Variants in SSBP2 observed in about 807,000 individuals in gnomAD.
SSBP2 encodes the protein single stranded DNA binding protein 2, also known as single-stranded DNA-binding protein 2.
SSBP2 carries 17 observed loss-of-function variants against 61.8 expected under a neutral mutation model. That is an observed-to-expected ratio of 0.28 (90% confidence interval 0.19 to 0.41). The LOEUF is 0.41. SSBP2 is among the 10% of genes least tolerant of loss of function. The pLI is 1.00. For missense variants in SSBP2, 310 were observed against 458.7 expected (o/e 0.68, Z 2.96); for synonymous variants, 139 against 141.3 (o/e 0.98, Z 0.12).
chr5:81,494,499 C>G (rs1342906813), intron 5 of SSBP2, among the ~76,000 whole-genome samples: 1 of 152,018 alleles, frequency 6.6e-6, no homozygotes, highest in Non-Finnish European at 1.5e-5. Flanking sequence ...GAGGGTGGAG[C>G]CTTCATGAAT....
At chr5:81,739,771 G>A (rs1756883817) in intron 1 of SSBP2, among the ~76,000 whole-genome samples, 1 of 151,918 alleles carries the variant, frequency 6.6e-6, no homozygotes, top group Admixed American at 6.6e-5. Flanking sequence ...TGCTATTTTG[G>A]CAAAATCCAG....
chr5:81,641,886 G>T (rs75267554), intron 2 of SSBP2, among the ~76,000 whole-genome samples: 2,107 of 152,100 alleles, frequency 0.014, 43 homozygotes, highest in African/African-American at 0.049. Flanking sequence ...AATTTGGAAG[G>T]TTGGAGAATA....
At chr5:81,448,238 T>C (rs1176820377) in intron 11 of SSBP2, among the ~76,000 whole-genome samples, 1 of 152,224 alleles carries the variant, frequency 6.6e-6, no homozygotes, top group Admixed American at 6.5e-5. Flanking sequence ...ATAAAACTTA[T>C]TAATTTGACT....
chr5:81,650,370 G>A, intron 1 of SSBP2, 31 bp from the exon 2 acceptor site: 1 of 1,409,112 alleles, frequency 7.1e-7, no homozygotes, highest in Non-Finnish European at 9.7e-7. Flanking sequence ...TTATTGAGAA[G>A]AGGAATATTA....
In SSBP2 at chr5:81,719,752, T is replaced by G. The variant is rs554390727; in HGVS notation, c.62+31229A>C. 7.2e-5 allele frequency among the ~76,000 whole-genome samples: 11 copies of G among 152,230 alleles called. No individual in the cohort carries two copies. The South Asian group carries it at 2.3e-3, about 32-fold the overall frequency. On this transcript the variant is annotated intron_variant, in intron 1 of 16. Coordinates refer to ENST00000320672, the MANE Select transcript of SSBP2 (RefSeq NM_012446.5). Reference sequence around the variant, plus strand: ...AGGCAGAAGGAGACAGGGGAAAGCATGGCACAAGCCTTTATTATGGTTTTC... The same window carrying G: ...AGGCAGAAGGAGACAGGGGAAAGCAGGGCACAAGCCTTTATTATGGTTTTC...
rs752498739 is a variant in SSBP2 at position 81,418,419 on chromosome 5, C to G, written c.*2085G>C. ...AGCTTTTTTTTCTCAACAGTTCTGC[C>G]TAGTATCCCTGTTTAGGCACAGGCA... On this transcript the variant is annotated 3_prime_UTR_variant, in exon 17 of 17. Coordinates refer to ENST00000320672, the MANE Select transcript of SSBP2 (RefSeq NM_012446.5). 3.9e-5 allele frequency: 6 copies of G among 152,160 alleles called. No individual in the cohort carries two copies. The highest frequency in any genetic ancestry group is 7.3e-5 in the Non-Finnish European group (5 of 68,042). 9.4% of individuals were successfully genotyped at this position (152,160 alleles called of 1,614,324 possible).
chr5:81,625,121 CTGA>C (rs543277614), intron 3 of SSBP2, among the ~76,000 whole-genome samples: 259 of 152,168 alleles, frequency 1.7e-3, no homozygotes, highest in African/African-American at 5.9e-3. Context: ...ATGCTTTTGG[CTGA>C]TATTATGACA....
chr5:81,672,463 C>A (rs748977544), intron 1 of SSBP2, among the ~76,000 whole-genome samples: 3 of 151,988 alleles, frequency 2.0e-5, no homozygotes, highest in Non-Finnish European at 4.4e-5. Context: ...TTAAGATGAT[C>A]TCCACATATG....
At chr5:81,637,660 C>T (rs969095075) in intron 2 of SSBP2, among the ~76,000 whole-genome samples, 4 of 152,092 alleles carry the variant, frequency 2.6e-5, no homozygotes, top group African/African-American at 9.7e-5. Flanking sequence ...TAATAATAGT[C>T]ACCTATATCA....
At chr5:81,435,086 A>G (rs565016568) in intron 15 of SSBP2, among the ~76,000 whole-genome samples, 28 of 152,304 alleles carry the variant, frequency 1.8e-4, no homozygotes, top group African/African-American at 6.5e-4. Flanking sequence ...TGAGATGCGT[A>G]GGAACTCATT....
chr5:81,746,387 T>A (rs539672077), intron 1 of SSBP2, among the ~76,000 whole-genome samples: 8 of 152,238 alleles, frequency 5.3e-5, no homozygotes, highest in Middle Eastern at 3.4e-3. Context: ...TACTCCTTCA[T>A]TAGTTTTGGA....
intron 1 of SSBP2, among the ~76,000 whole-genome samples, chr5:81,718,811 A>T (rs185875731): frequency 1.4e-4 from 21 of 152,302 alleles, no homozygotes; most frequent in African/African-American, 4.8e-4. Flanking sequence ...GTCTTCCATG[A>T]TATTTAGCTA....
intron 4 of SSBP2, among the ~76,000 whole-genome samples, chr5:81,522,556 A>C (rs1769572481): frequency 6.6e-6 from 1 of 152,130 alleles, no homozygotes; most frequent in South Asian, 2.1e-4. Context: ...AAATTTGTTA[A>C]ATAAAATGCA....
chr5:81,722,952 T>C (rs1406058486), intron 1 of SSBP2, among the ~76,000 whole-genome samples: 2 of 152,146 alleles, frequency 1.3e-5, no homozygotes, highest in East Asian at 3.9e-4. Flanking sequence ...TCCCTTTTGA[T>C]GAAACCTCAG....
rs545914843 is a variant in SSBP2 at position 81,645,897 on chromosome 5, C to A, written c.135+4370G>T. Among the ~76,000 whole-genome samples, 11 of 152,116 alleles carry A rather than the reference C, an allele frequency of 7.2e-5. No individual in the cohort carries two copies. The East Asian group carries it at 2.1e-3, about 29-fold the overall frequency. On this transcript the variant is annotated intron_variant, in intron 2 of 16. Coordinates refer to ENST00000320672, the MANE Select transcript of SSBP2 (RefSeq NM_012446.5). Reference sequence around the variant, plus strand: ...GGTAACACTGAGCTAGTTGGCACAACCTAGTTAGAGAAATGTTTTTATTTC... The same window carrying A: ...GGTAACACTGAGCTAGTTGGCACAAACTAGTTAGAGAAATGTTTTTATTTC...
chr5:81,615,226 G>T, intron 4 of SSBP2: 2 of 339,164 alleles, frequency 5.9e-6, no homozygotes. Flanking sequence ...AATCAGACAT[G>T]CTTAAAGATA....
intron 4 of SSBP2, among the ~76,000 whole-genome samples, chr5:81,600,262 C>T (rs1210255263): frequency 6.6e-6 from 1 of 152,042 alleles, no homozygotes; most frequent in Non-Finnish European, 1.5e-5. Flanking sequence ...ATCCTACATA[C>T]ATTTTAGTCA....
rs1032444750 is a variant in SSBP2 at position 81,574,963 on chromosome 5, G to C, written c.282+40510C>G. Among the ~76,000 whole-genome samples the C allele has an allele frequency of 3.9e-4, 60 of 152,292 alleles. 1 individual carries two copies. The highest frequency in any genetic ancestry group is 1.5e-5 in the Non-Finnish European group (1 of 68,016). On this transcript the variant is annotated intron_variant, in intron 4 of 16. Coordinates refer to ENST00000320672, the MANE Select transcript of SSBP2 (RefSeq NM_012446.5). Reference sequence around the variant, plus strand: ...CTGAAGTGTACTCTTCAGAAGGAAAGAGAATACTTGGAGAAGAAAGCTCAG... The same window carrying C: ...CTGAAGTGTACTCTTCAGAAGGAAACAGAATACTTGGAGAAGAAAGCTCAG...
At chr5:81,441,701 A>C (rs1763049641) in intron 13 of SSBP2, among the ~76,000 whole-genome samples, 1 of 152,206 alleles carries the variant, frequency 6.6e-6, no homozygotes, top group South Asian at 2.1e-4. Context: ...CATGCTTATA[A>C]AATTCTCCAA....
Sources: gnomAD v4.1 joint callset for allele counts (sites outside exome capture counted in the v4.1 genomes callset) on GRCh38, gnomAD v4.1.1 for gene constraint, MANE v1.5 for transcripts, NCBI Gene and HGNC (gene_info 2026-07-23, HGNC 2026-07-21) for gene names.